INTS4: variants seen among roughly 807,000 people sequenced by gnomAD.
INTS4 encodes integrator complex subunit 4.
A neutral mutation model predicts 119.5 loss-of-function variants in INTS4; 70 were observed. The ratio of observed to expected loss-of-function variants is 0.59; its 90% confidence interval spans 0.48 to 0.71. INTS4 has a LOEUF of 0.71. Ranked by LOEUF, INTS4 falls within the 30% of genes least tolerant of loss-of-function variation. The pLI, the probability that INTS4 is intolerant of heterozygous loss-of-function variation, is 0.00. For synonymous variants in INTS4, 316 were observed against 419.6 expected (o/e 0.75, Z 3.02); for missense variants, 867 against 1,173.2 (o/e 0.74, Z 3.81).
At chr11:77,912,522 G>C (rs1953112541) in intron 15 of INTS4, among the ~76,000 whole-genome samples, 2 of 152,110 alleles carry the variant, frequency 1.3e-5, no homozygotes, top group Admixed American at 1.3e-4. Flanking sequence ...TTCTTTTTAA[G>C]TTTACACAAT....
intron 15 of INTS4, among the ~76,000 whole-genome samples, chr11:77,909,919 C>T (rs893208353): frequency 6.6e-6 from 1 of 152,122 alleles, no homozygotes; most frequent in Non-Finnish European, 1.5e-5. Flanking sequence ...GTTAGAATGG[C>T]TATCATTAAA....
intron 2 of INTS4, among the ~76,000 whole-genome samples, chr11:77,990,634 C>A (rs1591155760): frequency 7.5e-6 from 1 of 133,592 alleles, no homozygotes; most frequent in East Asian, 2.2e-4. Flanking sequence ...TGCAGCGAGC[C>A]AAGATTGCAC....
rs34355448 is a variant in INTS4 at position 77,926,189 on chromosome 11, G to GAA, written c.1372-1299_1372-1298dup. Among the ~76,000 whole-genome samples the GAA allele has an allele frequency of 5.0e-3, 738 of 148,562 alleles. 3 individuals carry two copies. The highest frequency in any genetic ancestry group is 0.017 in the African/African-American group (681 of 40,424). ...GCAGGGTAGGATCTTGACATAGCAG[G>GAA]AAAAAAAAAAGGCAAATTCCAGCTG... On this transcript the variant is annotated intron_variant, in intron 11 of 22. Coordinates refer to ENST00000534064, the MANE Select transcript of INTS4 (RefSeq NM_033547.4).
Position 77,916,206 on chromosome 11 carries a change from G to T in INTS4, c.1922+2615C>A, listed in dbSNP as rs1440715036. 2.0e-5 allele frequency among the ~76,000 whole-genome samples: 3 copies of T among 152,222 alleles called. No individual in the cohort carries two copies. In the East Asian group the frequency reaches 5.8e-4, roughly 29 times the overall value. The stretch of plus-strand genomic sequence containing the variant: ...CTAAGATCAAACAACTACAAGTCAT[G>T]TGTTGTTTAACGATGGAGATACATT... On this transcript the variant is annotated intron_variant, in intron 15 of 22. Transcript: ENST00000534064.
chr11:77,959,935 T>C (rs771892966), intron 6 of INTS4, among the ~76,000 whole-genome samples: 3 of 152,156 alleles, frequency 2.0e-5, no homozygotes, highest in Non-Finnish European at 2.9e-5. Context: ...GACTTTTTTT[T>C]TATATGATCC....
chr11:77,950,437 G>C (rs1954163251), intron 8 of INTS4, among the ~76,000 whole-genome samples: 1 of 152,046 alleles, frequency 6.6e-6, no homozygotes, highest in Admixed American at 6.6e-5. Context: ...GAGGGAGTAG[G>C]AGAGAATGGG....
At chr11:77,930,847 A>C (rs1453114762) in intron 10 of INTS4, among the ~76,000 whole-genome samples, 1 of 152,136 alleles carries the variant, frequency 6.6e-6, no homozygotes, top group East Asian at 1.9e-4. Flanking sequence ...TAAATAAATA[A>C]TATGTCACAG....
At chr11:77,910,260 GC>G (rs1350867850) in intron 15 of INTS4, among the ~76,000 whole-genome samples, 3 of 151,794 alleles carry the variant, frequency 2.0e-5, no homozygotes, top group Non-Finnish European at 4.4e-5. Context: ...ATACTATGCA[GC>G]CATAAAAAAT....
intron 4 of INTS4, chr11:77,963,366 A>AAAAAAC: frequency 2.6e-6 from 1 of 391,320 alleles, no homozygotes; most frequent in Non-Finnish European, 4.8e-6. Context: ...AAAAAAAAAA[A>AAAAAAC]AAAAAAAACA....
chr11:77,978,811 C>T (rs907362223), intron 4 of INTS4, 185 bp downstream of exon 4: 11 of 425,562 alleles, frequency 2.6e-5, no homozygotes, highest in East Asian at 8.0e-5. Context: ...TAACTATGTA[C>T]TGTAATTATT....
At chr11:77,924,377 A>G (rs1953443646) in intron 12 of INTS4, 2 of 163,288 alleles carry the variant, frequency 1.2e-5, no homozygotes, top group South Asian at 3.4e-4. Context: ...TTCTAGTCAG[A>G]GTGACAGAGC....
intron 8 of INTS4, among the ~76,000 whole-genome samples, chr11:77,955,506 T>C (rs1055570483): frequency 6.6e-6 from 1 of 151,708 alleles, no homozygotes; most frequent in African/African-American, 2.4e-5. Context: ...CTTTTTTTTT[T>C]TTTTTTGAGA....
At chr11:77,957,196 G>C (rs903834538) in intron 7 of INTS4, among the ~76,000 whole-genome samples, 5 of 152,062 alleles carry the variant, frequency 3.3e-5, no homozygotes, top group African/African-American at 4.8e-5. Context: ...GCCTCCCAAA[G>C]TGCTAGGATT....
chr11:77,904,587 G>A (rs977130847), intron 16 of INTS4, among the ~76,000 whole-genome samples: 2 of 152,114 alleles, frequency 1.3e-5, no homozygotes, highest in African/African-American at 2.4e-5. Context: ...AGAGTCCCAT[G>A]TATCTGGTGG....
Position 77,938,657 on chromosome 11 carries a change from T to C in INTS4, c.1159A>G (p.Met387Val). ...ATTATACAGTCATACTTACCATACA[T>C]CTCATCTTCCAACCCATGAACAAAA... Reference protein sequence around the residue: ...GAFVHGLEDEMYEVRIAAVEA... With the variant: ...GAFVHGLEDEVYEVRIAAVEA... Residue 387 changes from methionine (M) to valine (V), a missense_variant, in exon 10 of 23, where the codon ATG becomes GTG. Met to Val is a conservative substitution (Grantham distance 21). Coordinates refer to ENST00000534064, the MANE Select transcript of INTS4 (RefSeq NM_033547.4). The C allele has an allele frequency of 6.2e-7, 1 of 1,611,008 alleles. No homozygotes were observed. The highest frequency in any genetic ancestry group is 1.1e-5 in the South Asian group (1 of 90,844).
intron 8 of INTS4, among the ~76,000 whole-genome samples, chr11:77,952,880 A>G (rs1954229155): frequency 6.6e-6 from 1 of 152,170 alleles, no homozygotes; most frequent in Non-Finnish European, 1.5e-5. Context: ...CCTCTAAAAC[A>G]TCTTTCTCCT....
At chr11:77,971,699 A>AT (rs1286612043) in intron 4 of INTS4, among the ~76,000 whole-genome samples, 2 of 152,046 alleles carry the variant, frequency 1.3e-5, no homozygotes, top group African/African-American at 4.8e-5. Flanking sequence ...ATTTACAAAT[A>AT]TTTTTTCCCA....
At chr11:77,989,867 C>A (rs907826758) in intron 2 of INTS4, among the ~76,000 whole-genome samples, 2 of 152,164 alleles carry the variant, frequency 1.3e-5, no homozygotes, top group African/African-American at 4.8e-5. Context: ...CCACTGCACT[C>A]CCGCCTGGGC....
At chr11:77,895,513 C>A in intron 18 of INTS4, among the ~76,000 whole-genome samples, 1 of 98,970 alleles carries the variant, frequency 1.0e-5, no homozygotes, top group African/African-American at 4.0e-5. Flanking sequence ...AACATTCATT[C>A]TAATTCTTTT....
Sources: gnomAD v4.1 joint callset for allele counts (sites outside exome capture counted in the v4.1 genomes callset) on GRCh38, gnomAD v4.1.1 for gene constraint, MANE v1.5 for transcripts, NCBI Gene and HGNC (gene_info 2026-07-23, HGNC 2026-07-21) for gene names.